The following VAPB variants were observed in gnomAD, a reference collection of about 807,000 sequenced individuals.
The protein encoded by VAPB is vesicle-associated membrane protein-associated protein B/C.
VAPB carries 7 observed loss-of-function variants against 25.6 expected under a neutral mutation model. The ratio of observed to expected loss-of-function variants is 0.27; its 90% CI spans 0.16 to 0.51. The LOEUF (loss-of-function observed/expected upper bound fraction) is 0.51. VAPB is among the 20% of genes least tolerant of loss of function. The probability of loss-of-function intolerance (pLI) is 0.97; values close to 1 mark genes in which losing one functional copy is unlikely to be tolerated. For missense variants in VAPB, 266 were observed against 301.3 expected (o/e 0.88, Z 0.87); for synonymous variants, 112 against 109.2 (o/e 1.03, Z -0.16).
At chr20:58,423,948 C>T (rs974020294) in intron 2 of VAPB, among the ~76,000 whole-genome samples, 12 of 152,214 alleles carry the variant, frequency 7.9e-5, no homozygotes, top group African/African-American at 2.4e-4. Flanking sequence ...AGCTTAATTA[C>T]GCTTTTAAGG....
chr20:58,398,002 C>T (rs567894469), intron 1 of VAPB, among the ~76,000 whole-genome samples: 2 of 152,324 alleles, frequency 1.3e-5, no homozygotes, highest in East Asian at 3.9e-4. Context: ...AGATGTTCCT[C>T]ACCTTACAGC....
At chr20:58,397,123 A>G (rs961282232) in intron 1 of VAPB, among the ~76,000 whole-genome samples, 1 of 152,244 alleles carries the variant, frequency 6.6e-6, no homozygotes, top group Non-Finnish European at 1.5e-5. Flanking sequence ...TTCTTGCCCT[A>G]CTTTTGAAAA....
intron 1 of VAPB, among the ~76,000 whole-genome samples, chr20:58,405,723 A>G (rs1988211073): frequency 7.5e-6 from 1 of 133,424 alleles, no homozygotes; most frequent in Non-Finnish European, 1.5e-5. Flanking sequence ...GGTGTGAGCC[A>G]TCACGCCTGG....
intron 1 of VAPB, among the ~76,000 whole-genome samples, chr20:58,407,349 T>C (rs1367322383): frequency 2.6e-5 from 4 of 152,228 alleles, no homozygotes; most frequent in African/African-American, 9.6e-5. Context: ...TTATAAATTA[T>C]ACAAGCATGA....
chr20:58,423,690 G>C (rs1988724644), intron 2 of VAPB, among the ~76,000 whole-genome samples: 1 of 152,172 alleles, frequency 6.6e-6, no homozygotes, highest in South Asian at 2.1e-4. Context: ...ATCAAGCACT[G>C]ATAGTGGGAG....
chr20:58,434,850 C>T, intron 3 of VAPB, 145 bp downstream of exon 3: 1 of 620,922 alleles, frequency 1.6e-6, no homozygotes, highest in South Asian at 1.8e-5. Flanking sequence ...TGTACTTTAT[C>T]TACCTTTATG....
At chr20:58,407,460 T>C (rs1324614911) in intron 1 of VAPB, among the ~76,000 whole-genome samples, 1 of 152,164 alleles carries the variant, frequency 6.6e-6, no homozygotes, top group Non-Finnish European at 1.5e-5. Context: ...AAACTACAGG[T>C]AGCTTTCTGT....
At chr20:58,416,906 T>A (rs2123056548) in intron 1 of VAPB, among the ~76,000 whole-genome samples, 1 of 152,324 alleles carries the variant, frequency 6.6e-6, no homozygotes, top group African/African-American at 2.4e-5. Context: ...CCAGCCACAG[T>A]GCTGGGGCTA....
chr20:58,425,681 C>G (rs1194753062), intron 2 of VAPB, among the ~76,000 whole-genome samples: 7 of 152,130 alleles, frequency 4.6e-5, no homozygotes, highest in African/African-American at 1.4e-4. Flanking sequence ...CACAGATTTT[C>G]CAGGTGTGTA....
Position 58,389,482 on chromosome 20 carries a change from T to C in VAPB, c.23T>C (p.Leu8Pro). The C allele has an allele frequency of 6.3e-7, 1 of 1,596,008 alleles. No individual in the cohort carries two copies. The highest frequency in any genetic ancestry group is 8.5e-7 in the Non-Finnish European group (1 of 1,172,284). Residue 8 changes from leucine (L) to proline (P), a missense_variant, in exon 1 of 6, where the codon CTG (leucine) becomes CCG (proline). Coordinates refer to ENST00000475243, the MANE Select transcript of VAPB (RefSeq NM_004738.5). The part of the protein sequence containing the change: MAKVEQV[L>P]SLEPQHELKF... Reference sequence around the variant, plus strand: ...AACATGGCGAAGGTGGAGCAGGTCCTGAGCCTCGAGCCGCAGCACGAGCTC... The same window carrying C: ...AACATGGCGAAGGTGGAGCAGGTCCCGAGCCTCGAGCCGCAGCACGAGCTC...
chr20:58,438,914 T>C, intron 3 of VAPB, 31 bp from the exon 4 acceptor site: 1 of 1,576,304 alleles, frequency 6.3e-7, no homozygotes, highest in Non-Finnish European at 8.7e-7. Flanking sequence ...AGGTTTATAA[T>C]ATCTTGATTA....
chr20:58,432,624 A>C (rs924608089), intron 2 of VAPB, among the ~76,000 whole-genome samples: 1 of 152,242 alleles, frequency 6.6e-6, no homozygotes, highest in Non-Finnish European at 1.5e-5. Flanking sequence ...AAGAAGGTTG[A>C]CAGTCCCTGT....
rs1186984467 is a variant in VAPB, at chr20:58,444,552, A to G, written c.*317A>G. 2.0e-6 allele frequency: 1 copy of G among 488,418 alleles called. No individual in the cohort carries two copies. Among genetic ancestry groups the G allele is most frequent in the African/African-American group, 1.9e-5 (1 of 51,458 alleles). 30.3% of individuals were successfully genotyped at this position (488,418 alleles called of 1,614,324 possible). A position where few individuals can be genotyped will look rare whatever the true frequency, so the allele number is the denominator to read the frequency against. The stretch of plus-strand genomic sequence containing the variant: ...ATTTTAAACATTGGTAGGCCTTGGT[A>G]CATGATGCTGGATTACCTCTCTTAA... On this transcript the variant is annotated 3_prime_UTR_variant, in exon 6 of 6. Coordinates refer to ENST00000475243, the MANE Select transcript of VAPB (RefSeq NM_004738.5).
intron 1 of VAPB, among the ~76,000 whole-genome samples, chr20:58,394,229 C>T (rs544306815): frequency 2.6e-5 from 4 of 152,134 alleles, no homozygotes; most frequent in South Asian, 2.1e-4. Context: ...AGTTTAAGGA[C>T]GTTGTTTGTT....
In VAPB at chr20:58,435,710, G is replaced by GGA. The variant is rs1217453215; in HGVS notation, c.315+1007_315+1008dup. Among the ~76,000 whole-genome samples the GGA allele has an allele frequency of 3.3e-5, 5 of 152,204 alleles. No individual in the cohort carries two copies. In the East Asian group the frequency reaches 9.6e-4, roughly 29 times the overall value. The stretch of plus-strand genomic sequence containing the variant: ...TCACTTGTAGGCAGAAAATGAAGGA[G>GGA]GAGGCCAGATATTTTTGACTTTTAG... On this transcript the variant is annotated intron_variant, in intron 3 of 5. Transcript: ENST00000475243.
chr20:58,416,036 C>G (rs963242056), intron 1 of VAPB, among the ~76,000 whole-genome samples: 2 of 152,244 alleles, frequency 1.3e-5, no homozygotes, highest in Admixed American at 6.5e-5. Context: ...TGTTTCATTG[C>G]ATATATTTTC....
intron 4 of VAPB, chr20:58,439,293 C>T (rs898122296): frequency 4.3e-6 from 2 of 466,840 alleles, no homozygotes; most frequent in Admixed American, 3.4e-5. Context: ...TGAAGAGCTT[C>T]TGTGGCCTGG....
rs182988189 is a variant in VAPB at position 58,425,785 on chromosome 20, A to G, written c.211+7422A>G. Reference sequence around the variant, plus strand: ...AGCCCTGCTAACACAAAAATTCCGGAGGTGGGGTCCAGCAGTCTGTGTTGT... The same window carrying G: ...AGCCCTGCTAACACAAAAATTCCGGGGGTGGGGTCCAGCAGTCTGTGTTGT... On this transcript the variant is annotated intron_variant, in intron 2 of 5. Coordinates refer to ENST00000475243, the MANE Select transcript of VAPB (RefSeq NM_004738.5). 5.6e-4 allele frequency among the ~76,000 whole-genome samples: 85 copies of G among 152,284 alleles called. No individual in the cohort carries two copies. In the Middle Eastern group the frequency reaches 0.014, roughly 24 times the overall value.
At position 58,448,891 on chromosome 20, in the gene VAPB, GA is replaced by G. The variant is rs573440658; in HGVS notation, c.*4657del. ...AATATTGCCAGTCCGTCTCGGCAAG[GA>G]GATGATGGGAGCGCTTTATATGGAG... On this transcript the variant is annotated 3_prime_UTR_variant, in exon 6 of 6. Coordinates refer to ENST00000475243, the MANE Select transcript of VAPB (RefSeq NM_004738.5). 508 of 454,106 alleles carry G rather than the reference GA, an allele frequency of 1.1e-3. 11 individuals carry two copies. Among genetic ancestry groups the G allele is most frequent in the South Asian group, 7.3e-3 (468 of 64,478 alleles). 28.1% of individuals were successfully genotyped at this position (454,106 alleles called of 1,614,324 possible).
Sources: gnomAD v4.1 joint callset for allele counts (sites outside exome capture counted in the v4.1 genomes callset) on GRCh38, gnomAD v4.1.1 for gene constraint, MANE v1.5 for transcripts, NCBI Gene and HGNC (gene_info 2026-07-23, HGNC 2026-07-21) for gene names.